Variants in HECW2 observed in about 807,000 individuals in gnomAD.
HECW2 encodes the protein E3 ubiquitin-protein ligase HECW2.
In HECW2, 61 loss-of-function variants were observed where a neutral mutation model predicts 175.2. The ratio of observed to expected loss-of-function variants is 0.35; its 90% CI spans 0.28 to 0.43. HECW2 has a LOEUF of 0.43. Among genes scored for constraint, HECW2 ranks in the 20% least tolerant of loss-of-function variants. The pLI is 1.00. For missense variants in HECW2, 1,524 were observed against 2,000.5 expected, an observed-to-expected ratio of 0.76 and a Z score of 4.54; for synonymous variants, 671 against 731.0, an observed-to-expected ratio of 0.92 and a Z score of 1.32.
chr2:196,196,453 T>C lies in HECW2; in HGVS notation c.*4824A>G, dbSNP rs1212956814. ...CAAACTCACGGCAGTAAGATGGAAG[T>C]AAAATGGCTAAGGTCCAGAGTGCTG... On this transcript the variant is annotated 3_prime_UTR_variant, in exon 29 of 29. Transcript: ENST00000644978. 6.6e-6 allele frequency: 1 copy of C among 152,130 alleles called. No individual in the cohort carries two copies. Among genetic ancestry groups the C allele is most frequent in the African/African-American group, 2.4e-5 (1 of 41,434 alleles). The allele number at this position is 152,130 out of a possible 1,614,324, so 9.4% of individuals were successfully genotyped here. A position where few individuals can be genotyped will look rare whatever the true frequency, so the allele number is the denominator to read the frequency against.
At chr2:196,497,835 G>A (rs1280983087) in intron 1 of HECW2, among the ~76,000 whole-genome samples, 1 of 152,070 alleles carries the variant, frequency 6.6e-6, no homozygotes, top group Admixed American at 6.5e-5. Flanking sequence ...TGATCACAGA[G>A]GGCAAGAAGC....
intron 1 of HECW2, among the ~76,000 whole-genome samples, chr2:196,433,979 T>C (rs6755980): frequency 0.95 from 143,974 of 152,286 alleles, 68,185 homozygotes; most frequent in East Asian, 1. Context: ...TTACCTCTTC[T>C]CCTAAATACA....
intron 4 of HECW2, among the ~76,000 whole-genome samples, chr2:196,331,684 C>T (rs1397091566): frequency 2.6e-5 from 4 of 152,178 alleles, no homozygotes; most frequent in Admixed American, 2.6e-4. Context: ...TGGCAAAAGG[C>T]TTCCTGAAAC....
intron 1 of HECW2, among the ~76,000 whole-genome samples, chr2:196,503,459 C>G (rs542030439): frequency 3.3e-5 from 5 of 152,202 alleles, no homozygotes; most frequent in Admixed American, 6.5e-5. Context: ...CAGTGTCAGT[C>G]AAGAGCCGCA....
chr2:196,352,701 G>A (rs1693214842), intron 2 of HECW2, among the ~76,000 whole-genome samples: 1 of 152,060 alleles, frequency 6.6e-6, no homozygotes, highest in Non-Finnish European at 1.5e-5. Flanking sequence ...ACTTCTAGAT[G>A]TACTAGGCAA....
chr2:196,592,808 G>C (rs1286451852), intron 1 of HECW2: 3 of 151,272 alleles, frequency 2.0e-5, no homozygotes, highest in Non-Finnish European at 4.4e-5. Context: ...CTGCGGGTGG[G>C]GACCCGGCCG....
At chr2:196,431,089 T>A (rs1695698730) in intron 2 of HECW2, among the ~76,000 whole-genome samples, 1 of 152,154 alleles carries the variant, frequency 6.6e-6, no homozygotes, top group Admixed American at 6.5e-5. Context: ...GACACAATGA[T>A]AACTTACATG....
chr2:196,431,769 T>C (rs563332965), intron 2 of HECW2, among the ~76,000 whole-genome samples: 20 of 152,332 alleles, frequency 1.3e-4, no homozygotes, highest in African/African-American at 4.8e-4. Context: ...TGAAGACTTT[T>C]CCCCTTTTTT....
At chr2:196,408,857 T>C (rs1695032535) in intron 2 of HECW2, among the ~76,000 whole-genome samples, 1 of 152,242 alleles carries the variant, frequency 6.6e-6, no homozygotes, top group Non-Finnish European at 1.5e-5. Flanking sequence ...CAAGTCCTTC[T>C]CTTAATTCCA....
chr2:196,509,833 C>T (rs1276721191), intron 1 of HECW2, among the ~76,000 whole-genome samples: 1 of 152,222 alleles, frequency 6.6e-6, no homozygotes, highest in African/African-American at 2.4e-5. Context: ...TTCAATCCTG[C>T]CAGGTTCCAA....
At chr2:196,309,946 A>G (rs1179787981) in intron 10 of HECW2, among the ~76,000 whole-genome samples, 1 of 152,210 alleles carries the variant, frequency 6.6e-6, no homozygotes, top group Non-Finnish European at 1.5e-5. Flanking sequence ...AGAAATTCTC[A>G]AAGATGGAAT....
chr2:196,220,759 A>G, intron 25 of HECW2, 36 bp downstream of exon 25: 1 of 1,608,696 alleles, frequency 6.2e-7, no homozygotes, highest in Non-Finnish European at 8.5e-7. Flanking sequence ...CATTGATATC[A>G]GACTGCAAAC....
chr2:196,313,757 A>G lies in HECW2; in HGVS notation c.2434+3517T>C, dbSNP rs142299111. On this transcript the variant is annotated intron_variant, in intron 10 of 28. Transcript: ENST00000644978. ...AACAATAATAATGATAAAGAGAAAG[A>G]AAAAAGAATCAAAGCCAGACACAGT... Among the ~76,000 whole-genome samples, 10 of 152,326 alleles carry G rather than the reference A, an allele frequency of 6.6e-5. No individual in the cohort carries two copies. In the East Asian group the frequency reaches 1.9e-3, roughly 29 times the overall value.
At chr2:196,201,456 G>C (rs562570279) in intron 28 of HECW2, 68 bp from the exon 29 acceptor site, 11 of 1,015,946 alleles carry the variant, frequency 1.1e-5, no homozygotes, top group Non-Finnish European at 1.7e-5. Flanking sequence ...TGTGGTGTGT[G>C]TGTGTGTGTG....
chr2:196,327,172 AT>A (rs1245555134), intron 5 of HECW2, among the ~76,000 whole-genome samples: 1 of 152,226 alleles, frequency 6.6e-6, no homozygotes, highest in Non-Finnish European at 1.5e-5. Context: ...TTCACAAAAA[AT>A]ATTCCTTTGA....
chr2:196,462,819 C>T (rs72914627), intron 1 of HECW2, among the ~76,000 whole-genome samples: 11,947 of 152,068 alleles, frequency 0.079, 549 homozygotes, highest in Middle Eastern at 0.14. Flanking sequence ...GAAAATAAAA[C>T]GCAAGGGAAA....
intron 19 of HECW2, among the ~76,000 whole-genome samples, chr2:196,252,000 A>C (rs1014577261): frequency 6.6e-6 from 1 of 151,832 alleles, no homozygotes; most frequent in Admixed American, 6.6e-5. Flanking sequence ...GGAGTTTGAG[A>C]CCAGCCTGGC....
intron 2 of HECW2, among the ~76,000 whole-genome samples, chr2:196,398,754 A>T (rs1368138815): frequency 6.6e-6 from 1 of 152,214 alleles, no homozygotes; most frequent in Non-Finnish European, 1.5e-5. Flanking sequence ...CAGTGAGAGC[A>T]AAAGACTCAC....
chr2:196,518,744 G>A (rs75084181), intron 1 of HECW2, among the ~76,000 whole-genome samples: 1,845 of 149,714 alleles, frequency 0.012, 43 homozygotes, highest in African/African-American at 0.043. Context: ...ATGACCTACC[G>A]TCCCTCAATA....
Sources: gnomAD v4.1 joint callset for allele counts (sites outside exome capture counted in the v4.1 genomes callset) on GRCh38, gnomAD v4.1.1 for gene constraint, MANE v1.5 for transcripts, NCBI Gene and HGNC (gene_info 2026-07-23, HGNC 2026-07-21) for gene names.